Variants in CHAD observed in about 807,000 individuals in gnomAD.
CHAD encodes chondroadherin, also known as cartilage leucine-rich protein.
Under a neutral mutation model 24.0 loss-of-function variants are expected in CHAD, and 18 were observed. The ratio of observed to expected loss-of-function variants is 0.75; its 90% CI spans 0.52 to 1.11. The LOEUF (loss-of-function observed/expected upper bound fraction) is 1.11, where lower values mean the gene tolerates loss of function less well. CHAD is among the 50% of genes most tolerant of loss of function. CHAD has a pLI of 0.00. For missense variants in CHAD, 440 were observed against 467.2 expected (o/e 0.94, Z 0.54); for synonymous variants, 195 against 211.6 (o/e 0.92, Z 0.68).
At chr17:50,465,610 C>A in intron 2 of CHAD, 97 bp downstream of exon 2, 1 of 1,505,048 alleles carries the variant, frequency 6.6e-7, no homozygotes, top group South Asian at 1.2e-5. Context: ...TATTAGGTAG[C>A]AGATCTAGGA....
intron 1 of CHAD, among the ~76,000 whole-genome samples, chr17:50,466,215 T>C (rs901057366): frequency 2.0e-5 from 3 of 151,306 alleles, no homozygotes; most frequent in African/African-American, 7.3e-5. Context: ...GCCTCCTGAG[T>C]AGCTGGGACT....
Position 50,468,268 on chromosome 17 carries a change from C to T in CHAD, c.546G>A (p.Ala182=). ...GGGCCCCGGGCTGCAGGGAGCTCAACGCGTTTTCCGACAGGTAGAGCCAGC... is the reference window on the plus strand; with the variant it reads ...GGGCCCCGGGCTGCAGGGAGCTCAATGCGTTTTCCGACAGGTAGAGCCAGC... ...DLRWLYLSEN[A]LSSLQPGALD... is the part of the protein sequence containing the mutation. The change falls in exon 1 of 4, where the codon GCG becomes GCA. Residue 182 remains alanine (A), a synonymous_variant. Transcript: ENST00000508540. The T allele has an allele frequency of 6.2e-7, 1 of 1,611,154 alleles. No individual in the cohort carries two copies. The highest frequency in any genetic ancestry group is 8.5e-7 in the Non-Finnish European group (1 of 1,177,612).
At position 50,465,428 on chromosome 17, in the gene CHAD, G is replaced by A; in HGVS notation, c.950C>T (p.Ala317Val). Residue 317 changes from alanine to valine, a missense_variant, in exon 3 of 4, where the codon GCC becomes GTC. Coordinates refer to ENST00000508540, the MANE Select transcript of CHAD (RefSeq NM_001267.3). Reference protein sequence around the residue: ...QLRGLRRWLEAKASRPDATCA... With the variant: ...QLRGLRRWLEVKASRPDATCA... ...GGTGGCATCTGGGCGGGAGGCCTTG[G>A]CTTCCAGCCACCTGGAGAGACAGAA... 6.2e-7 allele frequency: 1 copy of A among 1,613,950 alleles called. No individual in the cohort carries two copies. Among genetic ancestry groups the A allele is most frequent in the Non-Finnish European group, 8.5e-7 (1 of 1,180,002 alleles).
In CHAD at chr17:50,468,394, C is replaced by G; in HGVS notation, c.420G>C (p.Arg140=). The stretch of plus-strand genomic sequence containing the variant: ...GGTTGACCAGCGGGGAGAGCAACCC[C>G]CGGGGCAGCTCAGTGACCTTGTTGT... The part of the protein sequence containing the change: ...LDHNKVTELP[R]GLLSPLVNLF... The change falls in exon 1 of 4, where the codon CGG becomes CGC. Residue 140 remains arginine (R), a synonymous_variant. Coordinates refer to ENST00000508540, the MANE Select transcript of CHAD (RefSeq NM_001267.3). 2.5e-6 allele frequency: 4 copies of G among 1,614,144 alleles called. No homozygotes were observed. Among genetic ancestry groups the G allele is most frequent in the Non-Finnish European group, 3.4e-6 (4 of 1,180,028 alleles).
At chr17:50,467,556 C>T (rs950162077) in intron 1 of CHAD, among the ~76,000 whole-genome samples, 1 of 152,214 alleles carries the variant, frequency 6.6e-6, no homozygotes, top group East Asian at 1.9e-4. Context: ...CCCCCACTCC[C>T]CCTTAGCACA....
Position 50,465,233 on chromosome 17 carries a change from C to G in CHAD, c.*4+61G>C, listed in dbSNP as rs552981872. The G allele has an allele frequency of 1.1e-4, 180 of 1,600,650 alleles. 1 individual carries two copies. The East Asian group carries it at 4.0e-3, about 36-fold the overall frequency. On this transcript the variant is annotated intron_variant, in intron 3 of 3. Coordinates refer to ENST00000508540, the MANE Select transcript of CHAD (RefSeq NM_001267.3). ...GGGCCAGGGGGTATCCTGGAAGATA[C>G]CAGCTCACTTGCTGGAATCACCAAA...
intron 1 of CHAD, among the ~76,000 whole-genome samples, chr17:50,467,005 G>A (rs913826759): frequency 6.6e-6 from 1 of 152,140 alleles, no homozygotes; most frequent in Non-Finnish European, 1.5e-5. Context: ...CTCCACACCC[G>A]CACCCTTTCC....
chr17:50,465,632 C>T, intron 2 of CHAD, 75 bp downstream of exon 2: 1 of 1,563,020 alleles, frequency 6.4e-7, no homozygotes, highest in Non-Finnish European at 8.8e-7. Context: ...GCATGTCCAA[C>T]ATGTCTTAGT....
At position 50,465,751 on chromosome 17, in the gene CHAD, G is replaced by A; in HGVS notation, c.894C>T (p.Thr298=). ...GGCAGGTACACTTCCAGGGGTTATTGGTAAGGGCGAGGGTCTCCAGGCTGT... is the reference window on the plus strand; with the variant it reads ...GGCAGGTACACTTCCAGGGGTTATTAGTAAGGGCGAGGGTCTCCAGGCTGT... ...PFDSLETLAL[T]NNPWKCTCQL... The change falls in exon 2 of 4, where the codon ACC becomes ACT. Residue 298 remains threonine, a synonymous_variant. Transcript: ENST00000508540. The A allele has an allele frequency of 1.2e-6, 2 of 1,613,828 alleles. No individual in the cohort carries two copies. Among genetic ancestry groups the A allele is most frequent in the Non-Finnish European group, 1.7e-6 (2 of 1,179,984 alleles).
Position 50,464,984 on chromosome 17 carries a change from T to A in CHAD, c.*70A>T. ...TGTGGGGAGAAGGTATGGGTGGAGGTGAGAAGGTCAGTAGTCTCTCCGGTG... is the reference window on the plus strand; with the variant it reads ...TGTGGGGAGAAGGTATGGGTGGAGGAGAGAAGGTCAGTAGTCTCTCCGGTG... On this transcript the variant is annotated 3_prime_UTR_variant, in exon 4 of 4. Coordinates refer to ENST00000508540, the MANE Select transcript of CHAD (RefSeq NM_001267.3). 1 of 391,016 alleles carries A rather than the reference T, an allele frequency of 2.6e-6. No individual in the cohort carries two copies. The highest frequency in any genetic ancestry group is 4.8e-6 in the Non-Finnish European group (1 of 209,096). The allele number at this position is 391,016 out of a possible 1,614,324, so 24.2% of individuals were successfully genotyped here. A position where few individuals can be genotyped will look rare whatever the true frequency, so the allele number is the denominator to read the frequency against.
chr17:50,465,698 T>G lies in CHAD; in HGVS notation c.938+9A>C. ...GTGGGCTCTGGGAGTGACATGGAAG[T>G]GTTCTTACCGCCGAAGGCCCCGGAG... On this transcript the variant is annotated intron_variant, in intron 2 of 3. Coordinates refer to ENST00000508540, the MANE Select transcript of CHAD (RefSeq NM_001267.3). The G allele has an allele frequency of 6.2e-7, 1 of 1,612,902 alleles. No homozygotes were observed. Among genetic ancestry groups the G allele is most frequent in the South Asian group, 1.1e-5 (1 of 90,972 alleles).
In CHAD at chr17:50,468,159, G is replaced by A. The variant is rs538793513; in HGVS notation, c.655C>T (p.Arg219Trp). The change falls in exon 1 of 4, where the codon CGG (arginine) becomes TGG (tryptophan). Residue 219 changes from arginine to tryptophan, a missense_variant. Coordinates refer to ENST00000508540, the MANE Select transcript of CHAD (RefSeq NM_001267.3). ...SYPSAALSKL[R>W]VVEELKLSHN... ...GACAGCTTCAGCTCCTCCACCACCCGTAGCTTGCTCAGGGCAGCTGAGGGG... is the reference window on the plus strand; with the variant it reads ...GACAGCTTCAGCTCCTCCACCACCCATAGCTTGCTCAGGGCAGCTGAGGGG... 2.7e-4 allele frequency: 442 copies of A among 1,614,192 alleles called. 4 individuals carry two copies. In the South Asian group the frequency reaches 4.6e-3, roughly 17 times the overall value.
At chr17:50,467,842 T>C (rs900104095) in intron 1 of CHAD, 198 bp downstream of exon 1, 2 of 559,340 alleles carry the variant, frequency 3.6e-6, no homozygotes, top group African/African-American at 1.9e-5. Context: ...AGGGCAGTGG[T>C]CGAGACTGGC....
At position 50,464,589 on chromosome 17, in the gene CHAD, C is replaced by T. The variant is rs772073697; in HGVS notation, c.*465G>A. On this transcript the variant is annotated 3_prime_UTR_variant, in exon 4 of 4. Coordinates refer to ENST00000508540, the MANE Select transcript of CHAD (RefSeq NM_001267.3). ...GCAAAGCACCGATGTCCTGCTAGAA[C>T]GTCCTGGCAGGTGGGGGCTGGCAGA... 10 of 564,544 alleles carry T rather than the reference C, an allele frequency of 1.8e-5. No individual in the cohort carries two copies. Among genetic ancestry groups the T allele is most frequent in the Non-Finnish European group, 3.0e-5 (9 of 298,230 alleles). 35.0% of individuals were successfully genotyped at this position (564,544 alleles called of 1,614,324 possible). A position where few individuals can be genotyped will look rare whatever the true frequency, so the allele number is the denominator to read the frequency against.
chr17:50,468,435 A>C lies in CHAD; in HGVS notation c.379T>G (p.Tyr127Asp). Residue 127 changes from tyrosine (Y) to aspartate (D), a missense_variant, in exon 1 of 4, where the codon TAC (tyrosine) becomes GAC (aspartate). Transcript: ENST00000508540. Reference sequence around the variant, plus strand: ...ACCTTGTTGTGGTCCAGGTAGAGGTAGGTCAGCTCGGTCAGGTCGTCGAAG... The same window carrying C: ...ACCTTGTTGTGGTCCAGGTAGAGGTCGGTCAGCTCGGTCAGGTCGTCGAAG... ...GAFDDLTELT[Y>D]LYLDHNKVTE... is the part of the protein sequence containing the mutation. 1.2e-6 allele frequency: 2 copies of C among 1,614,246 alleles called. No individual in the cohort carries two copies. The highest frequency in any genetic ancestry group is 1.7e-6 in the Non-Finnish European group (2 of 1,180,032).
Position 50,468,799 on chromosome 17 carries a change from C to A in CHAD, c.15G>T (p.Met5Ile), listed in dbSNP as rs954129315. The change falls in exon 1 of 4, where the codon ATG becomes ATT. Residue 5 changes from methionine to isoleucine, a missense_variant. By Grantham distance (10) the Met-to-Ile change is conservative. Transcript: ENST00000508540. ...CCAGGAGGCCGAGGCTGAGCAAGAG[C>A]ATTGGGCGGACCATGGCTGGGACGC... MVRP[M>I]LLLSLGLLAG... 2.6e-6 allele frequency: 4 copies of A among 1,548,944 alleles called. No homozygotes were observed. The African/African-American group carries it at 5.4e-5, about 21-fold the overall frequency.
chr17:50,468,670 C>T lies in CHAD; in HGVS notation c.144G>A (p.Lys48=), dbSNP rs1271923320. 6.2e-7 allele frequency: 1 copy of T among 1,614,018 alleles called. No individual in the cohort carries two copies. Among genetic ancestry groups the T allele is most frequent in the African/African-American group, 1.3e-5 (1 of 74,944 alleles). ...CDKVGLQKIP[K]VSEKTKLLNL... is the part of the protein sequence containing the mutation. ...TGAGCAGCTTGGTCTTCTCTGACACCTTGGGGATCTTCTGCAGCCCCACCT... is the reference window on the plus strand; with the variant it reads ...TGAGCAGCTTGGTCTTCTCTGACACTTTGGGGATCTTCTGCAGCCCCACCT... The change falls in exon 1 of 4, where the codon AAG becomes AAA. Residue 48 remains lysine (K), a synonymous_variant. Transcript: ENST00000508540.
In CHAD at chr17:50,468,391, C is replaced by A. The variant is rs772416193; in HGVS notation, c.423G>T (p.Gly141=). The stretch of plus-strand genomic sequence containing the variant: ...AGAGGTTGACCAGCGGGGAGAGCAA[C>A]CCCCGGGGCAGCTCAGTGACCTTGT... The part of the protein sequence containing the change: ...DHNKVTELPR[G]LLSPLVNLFI... Residue 141 remains glycine (G), a synonymous_variant, in exon 1 of 4, where the codon GGG becomes GGT. Transcript: ENST00000508540. 3.7e-6 allele frequency: 6 copies of A among 1,614,046 alleles called. No individual in the cohort carries two copies. In the South Asian group the frequency reaches 5.5e-5, roughly 15 times the overall value.
Position 50,465,809 on chromosome 17 carries a change from C to T in CHAD, c.836G>A (p.Arg279His), listed in dbSNP as rs142146358. The T allele has an allele frequency of 1.2e-4, 199 of 1,613,582 alleles. No individual in the cohort carries two copies. The highest frequency in any genetic ancestry group is 1.6e-4 in the Middle Eastern group (1 of 6,084). Residue 279 changes from arginine to histidine, a missense_variant, in exon 2 of 4, where the codon CGC (arginine) becomes CAC (histidine). Arg to His is a conservative substitution (Grantham distance 29). Coordinates refer to ENST00000508540, the MANE Select transcript of CHAD (RefSeq NM_001267.3). ...GAAGTTGGAGGGTAGCTGGTTCAAG[C>T]GGTTGTTCTCCAAATGGACGTGTTT... ...TLKHVHLENN[R>H]LNQLPSNFPF...
Sources: gnomAD v4.1 joint callset for allele counts (sites outside exome capture counted in the v4.1 genomes callset) on GRCh38, gnomAD v4.1.1 for gene constraint, MANE v1.5 for transcripts, NCBI Gene and HGNC (gene_info 2026-07-23, HGNC 2026-07-21) for gene names.